SLC19A1: variants seen among roughly 807,000 people sequenced by gnomAD.
The protein encoded by SLC19A1 is reduced folate transporter.
Under a neutral mutation model 35.3 loss-of-function variants are expected in SLC19A1, and 37 were observed. The ratio of observed to expected loss-of-function variants is 1.05; its 90% CI spans 0.81 to 1.38. The LOEUF is 1.38. Ranked by LOEUF, SLC19A1 falls within the 40% of genes most tolerant of loss-of-function variation. SLC19A1 has a pLI of 0.00. For missense variants in SLC19A1, 831 were observed against 826.9 expected (o/e 1.00, Z -0.06); for synonymous variants, 460 against 398.5 (o/e 1.15, Z -1.84).
intron 5 of SLC19A1, among the ~76,000 whole-genome samples, chr21:45,516,813 A>G (rs1438651451): frequency 6.6e-6 from 1 of 152,138 alleles, no homozygotes; most frequent in Non-Finnish European, 1.5e-5. Context: ...CCGTGGGCAG[A>G]GCCCAGTGAG....
chr21:45,559,275 G>A (rs539286867), intron 1 of SLC19A1, among the ~76,000 whole-genome samples: 8 of 152,126 alleles, frequency 5.3e-5, no homozygotes, highest in African/African-American at 1.7e-4. Context: ...TGGAAACATC[G>A]CAACGTTGAG....
intron 3 of SLC19A1, chr21:45,503,990 C>G (rs182385875): frequency 1.2e-6 from 2 of 1,613,416 alleles, no homozygotes; most frequent in African/African-American, 2.7e-5. Context: ...CAGCGAGACC[C>G]CGCCTGTCTC....
Position 45,513,746 on chromosome 21 carries a change from T to C in SLC19A1, c.*1912A>G, listed in dbSNP as rs2146170511. On this transcript the variant is annotated 3_prime_UTR_variant, in exon 6 of 6. Transcript: ENST00000311124. ...CTCTTGGTTTGCAAGCAGCCTTCAC[T>C]GTCACAGGAAGGACACAATTCTCCA... 6.6e-6 allele frequency: 1 copy of C among 152,372 alleles called. No homozygotes were observed. Among genetic ancestry groups the C allele is most frequent in the African/African-American group, 2.4e-5 (1 of 41,588 alleles). 9.4% of individuals were successfully genotyped at this position (152,372 alleles called of 1,614,324 possible). A position where few individuals can be genotyped will look rare whatever the true frequency, so the allele number is the denominator to read the frequency against.
intron 1 of SLC19A1, among the ~76,000 whole-genome samples, chr21:45,556,868 C>G (rs534210667): frequency 2.6e-5 from 4 of 152,318 alleles, no homozygotes; most frequent in African/African-American, 9.6e-5. Context: ...TGCACAGCAA[C>G]CGGCCTGCAC....
chr21:45,545,797 GT>G (rs138900532), upstream of SLC19A1, among the ~76,000 whole-genome samples: 697 of 152,302 alleles, frequency 4.6e-3, 10 homozygotes, highest in African/African-American at 0.016. Context: ...GCCTCAGCCA[GT>G]TTTTCCTCCC....
rs1421028164 is a variant in SLC19A1, at chr21:45,531,386, T to C, written c.949+3A>G. The C allele has an allele frequency of 2.5e-6, 4 of 1,571,782 alleles. No individual in the cohort carries two copies. The highest frequency in any genetic ancestry group is 1.7e-4 in the Middle Eastern group (1 of 5,854). ...GAAGCCTCGGGGACCAGGGCATGCG[T>C]ACCCAGCAGCGTGGAGGCAGCATCT... On this transcript the variant is annotated splice_donor_region_variant and intron_variant, in intron 3 of 5. Transcript: ENST00000311124.
chr21:45,509,916 G>A, downstream of SLC19A1: 1 of 914,476 alleles, frequency 1.1e-6, no homozygotes, highest in South Asian at 1.7e-5. Context: ...TGCTGCCTGG[G>A]CCCCTCAGTG....
At chr21:45,556,508 CTAAT>C (rs1196713678) in intron 1 of SLC19A1, among the ~76,000 whole-genome samples, 3 of 152,260 alleles carry the variant, frequency 2.0e-5, no homozygotes, top group East Asian at 1.9e-4. Context: ...CCTTTCTTAA[CTAAT>C]TAAAGACTTA....
chr21:45,505,052 G>A, intron 3 of SLC19A1: 1 of 1,544,094 alleles, frequency 6.5e-7, no homozygotes, highest in East Asian at 2.4e-5. Context: ...AGGGGGTCTT[G>A]GCAGCTGCAG....
chr21:45,542,773 C>G (rs563956844), upstream of SLC19A1, among the ~76,000 whole-genome samples: 1 of 151,654 alleles, frequency 6.6e-6, no homozygotes, highest in Non-Finnish European at 1.5e-5. Flanking sequence ...CCCTGCCATC[C>G]CTCTCCCCCG....
intron 3 of SLC19A1, chr21:45,506,393 A>T: frequency 3.0e-6 from 1 of 328,712 alleles, no homozygotes; most frequent in South Asian, 2.5e-5. Context: ...CGCGTTATAA[A>T]CACCAAGGTG....
In SLC19A1 at chr21:45,530,940, C is replaced by T. The variant is rs747804198; in HGVS notation, c.981G>A (p.Val327=). 1 of 1,453,148 alleles carries T rather than the reference C, an allele frequency of 6.9e-7. No individual in the cohort carries two copies. Among genetic ancestry groups the T allele is most frequent in the Non-Finnish European group, 9.1e-7 (1 of 1,104,552 alleles). The allele number at this position is 1,453,148 out of a possible 1,614,324, so 90.0% of individuals were successfully genotyped here. The change falls in exon 4 of 6, where the codon GTG becomes GTA. Residue 327 remains valine (V), a synonymous_variant. Transcript: ENST00000311124. The surrounding 1 kb of genome is among the most constrained non-coding windows in gnomAD (Gnocchi z 5.3). The part of the protein sequence containing the change: ...GAITSFAAGF[V]KIRWARWSKL... ...TGGACCAGCGCGCCCAGCGGATCTT[C>T]ACGAAGCCCGCGGCGAAGGACGTGA...
chr21:45,542,871 T>C (rs1243525846), upstream of SLC19A1, among the ~76,000 whole-genome samples: 3 of 147,342 alleles, frequency 2.0e-5, no homozygotes, highest in Non-Finnish European at 4.5e-5. Context: ...AACACCTGCA[T>C]TCCTGGCCGC....
intron 1 of SLC19A1, among the ~76,000 whole-genome samples, chr21:45,553,515 A>G (rs1311195993): frequency 6.6e-6 from 1 of 151,542 alleles, no homozygotes; most frequent in South Asian, 2.1e-4. Context: ...GCACACTTCA[A>G]TGGCATTAAG....
chr21:45,546,443 C>G (rs2146479877), upstream of SLC19A1, among the ~76,000 whole-genome samples: 1 of 152,350 alleles, frequency 6.6e-6, no homozygotes, highest in Non-Finnish European at 1.5e-5. Flanking sequence ...GAGTTGAATT[C>G]TGAGCCCCAC....
intron 1 of SLC19A1, among the ~76,000 whole-genome samples, chr21:45,550,976 C>T (rs192568634): frequency 4.7e-4 from 69 of 147,456 alleles, no homozygotes; most frequent in African/African-American, 1.6e-3. Flanking sequence ...CACTGGCCCC[C>T]GCCTCCATTC....
chr21:45,514,438 G>GTCCAGCAGC lies in SLC19A1; in HGVS notation c.*1211_*1219dup, dbSNP rs1023242498. 8.5e-5 allele frequency: 13 copies of GTCCAGCAGC among 152,614 alleles called. No homozygotes were observed. Among genetic ancestry groups the GTCCAGCAGC allele is most frequent in the Admixed American group, 3.3e-4 (5 of 15,284 alleles). The allele number at this position is 152,614 out of a possible 1,614,324, so 9.5% of individuals were successfully genotyped here. ...CTGAGCCACCTCGGGAGACCCCTGG[G>GTCCAGCAGC]TCCAGCAGCTCCAGCAGCCCCTCCC... On this transcript the variant is annotated 3_prime_UTR_variant, in exon 6 of 6. Transcript: ENST00000311124.
At chr21:45,505,565 T>A in intron 3 of SLC19A1, 1 of 691,738 alleles carries the variant, frequency 1.4e-6, no homozygotes, top group South Asian at 1.6e-5. Context: ...GTTTCCAGGG[T>A]GGAAGCGGGG....
chr21:45,555,868 G>A (rs1347410973), intron 1 of SLC19A1, among the ~76,000 whole-genome samples: 4 of 152,132 alleles, frequency 2.6e-5, no homozygotes, highest in Non-Finnish European at 5.9e-5. Flanking sequence ...TGGTCCCTGC[G>A]GGCCCAGTGA....
Sources: gnomAD v4.1 joint callset for allele counts (sites outside exome capture counted in the v4.1 genomes callset) on GRCh38, gnomAD v4.1.1 for gene constraint, Gnocchi (gnomAD v3.1) non-coding constraint, MANE v1.5 for transcripts, NCBI Gene and HGNC (gene_info 2026-07-23, HGNC 2026-07-21) for gene names.